The following SORBS2 variants were observed in gnomAD, a reference collection of about 807,000 sequenced individuals.
SORBS2 encodes the protein sorbin and SH3 domain containing 2.
In SORBS2, 46 loss-of-function variants were observed where a neutral mutation model predicts 97.7. That is an observed-to-expected ratio of 0.47 (90% CI 0.37 to 0.60). SORBS2 has a LOEUF of 0.60. SORBS2 is among the 20% of genes least tolerant of loss of function. The pLI, the probability that SORBS2 is intolerant of heterozygous loss-of-function variation, is 0.00. For synonymous variants in SORBS2, 476 were observed against 473.4 expected (o/e 1.01, Z -0.07); for missense variants, 1,316 against 1,282.3 (o/e 1.03, Z -0.40).
intron 1 of SORBS2, among the ~76,000 whole-genome samples, chr4:185,803,458 G>A (rs73873390): frequency 0.039 from 5,943 of 152,150 alleles, 177 homozygotes; most frequent in African/African-American, 0.081. Flanking sequence ...CCAGATAACC[G>A]TCAATATAAA....
In SORBS2 at chr4:185,635,546, G is replaced by T. The variant is rs984561398; in HGVS notation, c.397-4948C>A. ...GTTGACAGCACCAGCTACACAAACA[G>T]AATGACATGAATGGAGCAAAATGGG... On this transcript the variant is annotated intron_variant, in intron 4 of 14. Transcript: ENST00000418609. 3.1e-5 allele frequency: 20 copies of T among 649,382 alleles called. No individual in the cohort carries two copies. In the African/African-American group the frequency reaches 3.5e-4, roughly 11 times the overall value. The allele number at this position is 649,382 out of a possible 1,614,324, so 40.2% of individuals were successfully genotyped here.
At chr4:185,779,770 T>C (rs1195485503) in intron 1 of SORBS2, among the ~76,000 whole-genome samples, 2 of 152,212 alleles carry the variant, frequency 1.3e-5, no homozygotes, top group Non-Finnish European at 2.9e-5. Context: ...AGTGGCATTG[T>C]CTAGTATCCC....
intron 2 of SORBS2, among the ~76,000 whole-genome samples, 157 bp from the exon 6 acceptor site, chr4:185,678,979 A>G (rs188409546): frequency 6.6e-6 from 1 of 152,142 alleles, no homozygotes; most frequent in Non-Finnish European, 1.5e-5. Flanking sequence ...AGGCTTGTAC[A>G]TTTATTTTTA....
intron 7 of SORBS2, among the ~76,000 whole-genome samples, chr4:185,621,981 T>C (rs1047804237): frequency 1.3e-5 from 2 of 152,244 alleles, no homozygotes; most frequent in Non-Finnish European, 2.9e-5. Flanking sequence ...GAAGTTTCTC[T>C]GTTGACCAAC....
exon 1 of SORBS2, chr4:185,656,853 C>G: frequency 7.5e-7 from 1 of 1,332,880 alleles, no homozygotes; most frequent in Non-Finnish European, 9.6e-7. Context: ...CAGGAGAGCT[C>G]TCAGCAGGCA....
At chr4:185,697,321 ATGGTTTAT>A (rs1211472561) in intron 2 of SORBS2, among the ~76,000 whole-genome samples, 10 of 152,290 alleles carry the variant, frequency 6.6e-5, no homozygotes, top group African/African-American at 2.4e-4. Context: ...AGCAAGCCAT[ATGGTTTAT>A]TAGACTGATT....
In SORBS2 at chr4:185,647,966, C is replaced by T. The variant is rs550435718; in HGVS notation, c.282-1184G>A. Among the ~76,000 whole-genome samples, 20 of 152,242 alleles carry T rather than the reference C, an allele frequency of 1.3e-4. No homozygotes were observed. The South Asian group carries it at 4.2e-3, about 32-fold the overall frequency. ...GGTTATTTTTTGATGACAAAGATAA[C>T]AATTTGTGTCTAGAAAACTGTTTCT... On this transcript the variant is annotated intron_variant, in intron 3 of 14. Transcript: ENST00000418609.
chr4:185,842,960 C>T (rs1290244226), intron 1 of SORBS2, among the ~76,000 whole-genome samples: 1 of 143,198 alleles, frequency 7.0e-6, no homozygotes, highest in Non-Finnish European at 1.5e-5. Context: ...TTAAATTTAA[C>T]ATGCTTCTAG....
At chr4:185,889,755 A>T (rs2099241530) in intron 1 of SORBS2, among the ~76,000 whole-genome samples, 1 of 151,888 alleles carries the variant, frequency 6.6e-6, no homozygotes, top group South Asian at 2.1e-4. Context: ...TGTTACTGTT[A>T]CTCCATTGGA....
intron 4 of SORBS2, among the ~76,000 whole-genome samples, chr4:185,640,134 T>C (rs1041904115): frequency 6.6e-6 from 1 of 152,186 alleles, no homozygotes; most frequent in Non-Finnish European, 1.5e-5. Flanking sequence ...GATAGAAAAG[T>C]TTGAGGCATC....
intron 1 of SORBS2, among the ~76,000 whole-genome samples, chr4:185,885,924 T>C (rs192912244): frequency 1.4e-4 from 21 of 152,344 alleles, no homozygotes; most frequent in Admixed American, 4.6e-4. Context: ...GATGCGTAGG[T>C]GCCAACAGGC....
intron 1 of SORBS2, chr4:185,656,524 G>A (rs1023850602): frequency 1.2e-6 from 1 of 825,394 alleles, no homozygotes; most frequent in Admixed American, 2.5e-5. Flanking sequence ...CATTCCAGGG[G>A]AGCAGCTCTT....
At chr4:185,917,147 G>A (rs1180551258) in intron 1 of SORBS2, among the ~76,000 whole-genome samples, 9 of 152,218 alleles carry the variant, frequency 5.9e-5, no homozygotes, top group South Asian at 2.1e-4. Flanking sequence ...CCTGGAGGGC[G>A]GTGTGGCAGG....
chr4:185,752,448 T>G (rs1035228141), intron 2 of SORBS2, among the ~76,000 whole-genome samples: 6 of 152,150 alleles, frequency 3.9e-5, no homozygotes, highest in African/African-American at 1.4e-4. Context: ...GCTAATTTTT[T>G]GTATTTTTTA....
intron 3 of SORBS2, 66 bp downstream of exon 12, chr4:185,649,401 G>T: frequency 7.6e-7 from 1 of 1,309,882 alleles, no homozygotes; most frequent in African/African-American, 1.5e-5. Flanking sequence ...TTCTTCTACT[G>T]AATGCCATGT....
intron 2 of SORBS2, among the ~76,000 whole-genome samples, chr4:185,760,158 C>T (rs1162387568): frequency 2.6e-5 from 4 of 152,196 alleles, no homozygotes; most frequent in Non-Finnish European, 5.9e-5. Context: ...TCAGGAACAA[C>T]CATATGTACT....
intron 2 of SORBS2, among the ~76,000 whole-genome samples, chr4:185,693,062 G>C (rs1162348401): frequency 6.6e-6 from 1 of 152,088 alleles, no homozygotes; most frequent in African/African-American, 2.4e-5. Context: ...TAGGGAGCAG[G>C]GCAGGAGCCA....
chr4:185,946,651 T>C (rs2150014949), intron 1 of SORBS2, among the ~76,000 whole-genome samples: 1 of 152,278 alleles, frequency 6.6e-6, no homozygotes, highest in Non-Finnish European at 1.5e-5. Flanking sequence ...TCCACCCTGC[T>C]TCTCCTCTAA....
chr4:185,754,961 G>C (rs2098822277), intron 2 of SORBS2, among the ~76,000 whole-genome samples: 1 of 152,234 alleles, frequency 6.6e-6, no homozygotes, highest in African/African-American at 2.4e-5. Flanking sequence ...GTGTGCCCAG[G>C]AGGAAGGGAA....
Sources: gnomAD v4.1 joint callset for allele counts (sites outside exome capture counted in the v4.1 genomes callset) on GRCh38, gnomAD v4.1.1 for gene constraint, MANE v1.5 for transcripts, NCBI Gene and HGNC (gene_info 2026-07-23, HGNC 2026-07-21) for gene names.